DOCK8: variants seen among roughly 807,000 people sequenced by gnomAD.
DOCK8 encodes dedicator of cytokinesis protein 8.
Under a neutral mutation model 245.6 loss-of-function variants are expected in DOCK8, and 141 were observed. That is an observed-to-expected ratio of 0.57 (90% CI 0.50 to 0.66). DOCK8 has a LOEUF of 0.66. Ranked by LOEUF, DOCK8 falls within the 30% of genes least tolerant of loss-of-function variation. DOCK8 has a pLI of 0.00. For missense variants in DOCK8, 2,965 were observed against 2,603.4 expected (o/e 1.14, Z -3.02); for synonymous variants, 1,168 against 970.2 (o/e 1.20, Z -3.79).
At chr9:218,754 A>T (rs887162394) in intron 1 of DOCK8, among the ~76,000 whole-genome samples, 2 of 152,236 alleles carry the variant, frequency 1.3e-5, no homozygotes, top group Non-Finnish European at 2.9e-5. Context: ...AGAGGACGAA[A>T]GTGTAGAATG....
chr9:337,791 C>T (rs2051385418), intron 12 of DOCK8, among the ~76,000 whole-genome samples: 1 of 152,130 alleles, frequency 6.6e-6, no homozygotes, highest in South Asian at 2.1e-4. Context: ...TTTTGCAAGA[C>T]AAAAGCATTC....
upstream of DOCK8, among the ~76,000 whole-genome samples, chr9:211,333 G>A (rs2046617021): frequency 6.6e-6 from 1 of 152,032 alleles, no homozygotes; most frequent in African/African-American, 2.4e-5. Flanking sequence ...AATAAAGCTG[G>A]TTTTGTGAAG....
At chr9:439,571 A>T (rs1160420644) in intron 40 of DOCK8, among the ~76,000 whole-genome samples, 183 bp downstream of exon 40, 1 of 152,204 alleles carries the variant, frequency 6.6e-6, no homozygotes, top group African/African-American at 2.4e-5. Flanking sequence ...TGAGCTTCCC[A>T]AGGGAGCTGA....
intron 14 of DOCK8, among the ~76,000 whole-genome samples, chr9:350,691 C>T (rs1053665906): frequency 1.3e-5 from 2 of 152,120 alleles, no homozygotes; most frequent in Admixed American, 6.5e-5. Flanking sequence ...CCTCACTTTG[C>T]GGATAAGCAG....
rs770337897 is a variant in DOCK8 at position 386,324 on chromosome 9, A to G, written c.2779-7A>G. The stretch of plus-strand genomic sequence containing the variant: ...TTGACTGTTAAGCCATGGTTTGTGT[A>G]TTTTAGATCGCCGATCGCAACTGCA... On this transcript the variant is annotated splice_polypyrimidine_tract_variant and splice_region_variant and intron_variant, in intron 22 of 47. Coordinates refer to ENST00000432829, the MANE Select transcript of DOCK8 (RefSeq NM_203447.4). 5 of 1,613,042 alleles carry G rather than the reference A, an allele frequency of 3.1e-6. No individual in the cohort carries two copies. The highest frequency in any genetic ancestry group is 1.3e-5 in the African/African-American group (1 of 74,984).
intron 1 of DOCK8, among the ~76,000 whole-genome samples, chr9:221,360 G>T (rs761701068): frequency 2.0e-5 from 3 of 152,086 alleles, no homozygotes; most frequent in Non-Finnish European, 4.4e-5. Context: ...GCCAACCACA[G>T]ATCAAAAATA....
chr9:304,493 A>G, intron 4 of DOCK8, 88 bp from the exon 5 acceptor site: 1 of 1,558,848 alleles, frequency 6.4e-7, no homozygotes, highest in South Asian at 1.1e-5. Context: ...CCATGTCTAC[A>G]CTTAAGCCAT....
intron 18 of DOCK8, among the ~76,000 whole-genome samples, chr9:374,156 T>C (rs1343505635): frequency 1.3e-5 from 2 of 152,230 alleles, no homozygotes; most frequent in Non-Finnish European, 2.9e-5. Context: ...AAACATTAAT[T>C]CCTTTTTCTT....
At chr9:435,322 A>C (rs1332012166) in intron 39 of DOCK8, among the ~76,000 whole-genome samples, 1 of 152,210 alleles carries the variant, frequency 6.6e-6, no homozygotes, top group African/African-American at 2.4e-5. Flanking sequence ...AGCCATTATT[A>C]ATAGCACTTT....
intron 28 of DOCK8, among the ~76,000 whole-genome samples, chr9:409,984 T>A (rs1288476652): frequency 6.6e-6 from 1 of 152,174 alleles, no homozygotes; most frequent in East Asian, 1.9e-4. Flanking sequence ...TTTGCTATTG[T>A]GAATAGTGCC....
chr9:399,833 T>C (rs1024613684), intron 26 of DOCK8, among the ~76,000 whole-genome samples: 1 of 151,946 alleles, frequency 6.6e-6, no homozygotes, highest in Admixed American at 6.6e-5. Flanking sequence ...ACCTTAACAA[T>C]AGTAATATAA....
At chr9:253,416 GA>G (rs2047696704) in intron 1 of DOCK8, among the ~76,000 whole-genome samples, 5 of 151,966 alleles carry the variant, frequency 3.3e-5, no homozygotes, top group Admixed American at 3.3e-4. Context: ...CTTTCTTTAG[GA>G]AAAAAGACCA....
chr9:425,017 A>G (rs1234185432), intron 33 of DOCK8, among the ~76,000 whole-genome samples: 2 of 152,376 alleles, frequency 1.3e-5, no homozygotes, highest in East Asian at 3.9e-4. Flanking sequence ...TATTGTGAAT[A>G]AAAGAATAAA....
intron 1 of DOCK8, among the ~76,000 whole-genome samples, chr9:221,824 T>TAA (rs1243064245): frequency 4.9e-5 from 7 of 142,258 alleles, no homozygotes; most frequent in African/African-American, 1.5e-4. Context: ...TCTGTCTCAT[T>TAA]AAAAAAAAAA....
At chr9:221,845 C>G (rs1340835199) in intron 1 of DOCK8, among the ~76,000 whole-genome samples, 1 of 150,836 alleles carries the variant, frequency 6.6e-6, no homozygotes, top group East Asian at 2.0e-4. Context: ...AAATCATGAA[C>G]AACTCTGCAT....
chr9:241,320 A>G (rs990036968), intron 1 of DOCK8, among the ~76,000 whole-genome samples: 1 of 152,160 alleles, frequency 6.6e-6, no homozygotes, highest in Non-Finnish European at 1.5e-5. Flanking sequence ...GAGCACTAGA[A>G]CGTATTCCTC....
At chr9:338,588 C>T (rs17722637) in intron 12 of DOCK8, among the ~76,000 whole-genome samples, 9,089 of 152,194 alleles carry the variant, frequency 0.06, 348 homozygotes, top group East Asian at 0.083. Context: ...TAACCTTGTT[C>T]GAGACAAATG....
chr9:347,832 A>G (rs763824113), intron 14 of DOCK8, among the ~76,000 whole-genome samples: 2 of 152,160 alleles, frequency 1.3e-5, no homozygotes, highest in Non-Finnish European at 2.9e-5. Flanking sequence ...GAGGGAACCA[A>G]TTGCCTAAGG....
Position 316,997 on chromosome 9 carries a change from C to T in DOCK8, c.742-46C>T, listed in dbSNP as rs532974165. The stretch of plus-strand genomic sequence containing the variant: ...CCTGGGTTAACTCTAATTGGAGCTC[C>T]CCACAGAATTCACTAATGATTTCCT... On this transcript the variant is annotated intron_variant, in intron 6 of 47. Transcript: ENST00000432829. The T allele has an allele frequency of 7.1e-5, 104 of 1,466,362 alleles. No individual in the cohort carries two copies. In the East Asian group the frequency reaches 2.3e-3, roughly 33 times the overall value. The allele number at this position is 1,466,362 out of a possible 1,614,324, so 90.8% of individuals were successfully genotyped here.
Sources: gnomAD v4.1 joint callset for allele counts (sites outside exome capture counted in the v4.1 genomes callset) on GRCh38, gnomAD v4.1.1 for gene constraint, MANE v1.5 for transcripts, NCBI Gene and HGNC (gene_info 2026-07-23, HGNC 2026-07-21) for gene names.